CEP128: variants seen among roughly 807,000 people sequenced by gnomAD.
CEP128 encodes the protein centrosomal protein 128.
In CEP128, 132 loss-of-function variants were observed where a neutral mutation model predicts 156.7. That is an observed-to-expected ratio of 0.84 (90% CI 0.73 to 0.97). The LOEUF is 0.97. Ranked by LOEUF, CEP128 falls within the 50% of genes least tolerant of loss-of-function variation. The pLI is 0.00. For synonymous variants in CEP128, 469 were observed against 448.9 expected, an observed-to-expected ratio of 1.04 and a Z score of -0.57; for missense variants, 1,252 against 1,281.9, an observed-to-expected ratio of 0.98 and a Z score of 0.36.
intron 9 of CEP128, among the ~76,000 whole-genome samples, chr14:80,850,816 T>C (rs1362362565): frequency 6.6e-6 from 1 of 152,204 alleles, no homozygotes; most frequent in Non-Finnish European, 1.5e-5. Context: ...AACACAAAGA[T>C]ATCAAAAATC....
At chr14:80,510,079 T>C (rs1402272477) in intron 23 of CEP128, among the ~76,000 whole-genome samples, 1 of 152,178 alleles carries the variant, frequency 6.6e-6, no homozygotes, top group East Asian at 1.9e-4. Context: ...TTGGTTCTTT[T>C]TGCTCAGGAT....
intron 19 of CEP128, among the ~76,000 whole-genome samples, chr14:80,625,134 T>G (rs1446252964): frequency 6.6e-6 from 1 of 152,206 alleles, no homozygotes; most frequent in Non-Finnish European, 1.5e-5. Context: ...GTTTTATTCT[T>G]TCACATATGG....
At chr14:80,702,679 G>A (rs552195743) in intron 19 of CEP128, among the ~76,000 whole-genome samples, 1 of 152,262 alleles carries the variant, frequency 6.6e-6, no homozygotes, top group East Asian at 1.9e-4. Flanking sequence ...TACCCAAGTT[G>A]GTATTATGGT....
chr14:80,662,734 C>T (rs1183115176), intron 19 of CEP128, among the ~76,000 whole-genome samples: 2 of 152,166 alleles, frequency 1.3e-5, no homozygotes, highest in African/African-American at 4.8e-5. Flanking sequence ...AAAAATAACA[C>T]ATTAGACATG....
intron 8 of CEP128, among the ~76,000 whole-genome samples, 160 bp from the exon 9 acceptor site, chr14:80,863,033 C>T (rs1247681530): frequency 6.6e-6 from 1 of 152,044 alleles, no homozygotes; most frequent in Non-Finnish European, 1.5e-5. Context: ...AAATAGCTGG[C>T]CAAAAAGCTT....
chr14:80,774,863 T>C (rs1166342253), intron 16 of CEP128, among the ~76,000 whole-genome samples: 1 of 152,218 alleles, frequency 6.6e-6, no homozygotes, highest in Non-Finnish European at 1.5e-5. Flanking sequence ...TCTTTTCACA[T>C]GTGTGCCTCC....
chr14:80,626,617 T>C (rs1454850106), intron 19 of CEP128, among the ~76,000 whole-genome samples: 1 of 151,872 alleles, frequency 6.6e-6, no homozygotes, highest in Non-Finnish European at 1.5e-5. Context: ...CACTAGAAGC[T>C]GAAAAGGGCA....
intron 19 of CEP128, among the ~76,000 whole-genome samples, chr14:80,674,908 A>T (rs1895999152): frequency 6.6e-6 from 1 of 151,736 alleles, no homozygotes; most frequent in Admixed American, 6.6e-5. Context: ...CATTCCATTA[A>T]AACCACCTGG....
At chr14:80,483,240 G>A (rs1887092239) in intron 14 of CEP128, among the ~76,000 whole-genome samples, 1 of 152,196 alleles carries the variant, frequency 6.6e-6, no homozygotes, top group African/African-American at 2.4e-5. Context: ...GGATAGTCCT[G>A]GGGAAGCATG....
intron 23 of CEP128, among the ~76,000 whole-genome samples, chr14:80,510,929 T>C (rs1220506677): frequency 6.6e-6 from 1 of 152,060 alleles, no homozygotes; most frequent in Non-Finnish European, 1.5e-5. Context: ...TGTGTGTATG[T>C]TAAACCATGT....
At chr14:80,775,912 G>T (rs1027215361) in intron 16 of CEP128, among the ~76,000 whole-genome samples, 1 of 152,020 alleles carries the variant, frequency 6.6e-6, no homozygotes, top group Non-Finnish European at 1.5e-5. Context: ...GGCTCGCTGC[G>T]ACTTTCCGCC....
chr14:80,525,581 T>C (rs1443084328), intron 23 of CEP128, among the ~76,000 whole-genome samples: 1 of 152,184 alleles, frequency 6.6e-6, no homozygotes, highest in African/African-American at 2.4e-5. Flanking sequence ...AATGCTTGAG[T>C]TTGTAGGACT....
At chr14:80,601,528 G>A (rs899664475) in intron 19 of CEP128, among the ~76,000 whole-genome samples, 1 of 152,120 alleles carries the variant, frequency 6.6e-6, no homozygotes, top group Non-Finnish European at 1.5e-5. Flanking sequence ...TGGGCCACAG[G>A]TTGGACAAGA....
intron 10 of CEP128, among the ~76,000 whole-genome samples, chr14:80,838,830 A>G (rs1427892120): frequency 6.6e-6 from 1 of 152,248 alleles, no homozygotes; most frequent in Non-Finnish European, 1.5e-5. Context: ...TGAGACATTT[A>G]AAATTTCCTT....
intron 12 of CEP128, among the ~76,000 whole-genome samples, chr14:80,835,302 T>C (rs1415043679): frequency 6.6e-6 from 1 of 152,194 alleles, no homozygotes; most frequent in Non-Finnish European, 1.5e-5. Context: ...CAGGTATTCC[T>C]TTAGTGTAAC....
At chr14:80,487,358 G>A (rs1017115867), downstream of CEP128, among the ~76,000 whole-genome samples, 2 of 152,178 alleles carry the variant, frequency 1.3e-5, no homozygotes, top group African/African-American at 4.8e-5. Flanking sequence ...CAATACTGGA[G>A]CACCCAGATT....
chr14:80,825,229 C>A (rs1253563820), intron 13 of CEP128, among the ~76,000 whole-genome samples: 1 of 152,192 alleles, frequency 6.6e-6, no homozygotes, highest in Non-Finnish European at 1.5e-5. Flanking sequence ...CCATATCACC[C>A]CCCAAGTAAT....
chr14:80,710,829 A>G (rs1383961537), intron 19 of CEP128, among the ~76,000 whole-genome samples: 1 of 152,176 alleles, frequency 6.6e-6, no homozygotes, highest in African/African-American at 2.4e-5. Context: ...CCAGCAAAAC[A>G]TTAACCCAAA....
At chr14:80,784,797 G>T in intron 15 of CEP128, 98 bp downstream of exon 15, 1 of 1,032,028 alleles carries the variant, frequency 9.7e-7, no homozygotes, top group Non-Finnish European at 1.4e-6. Flanking sequence ...TTCAGTGCTT[G>T]GGAATACAGA....
Sources: gnomAD v4.1 joint callset for allele counts (sites outside exome capture counted in the v4.1 genomes callset) on GRCh38, gnomAD v4.1.1 for gene constraint, MANE v1.5 for transcripts, NCBI Gene and HGNC (gene_info 2026-07-23, HGNC 2026-07-21) for gene names.